The following COBL variants were observed in gnomAD, a reference collection of about 807,000 sequenced individuals.
The protein encoded by COBL is protein cordon-bleu.
A neutral mutation model predicts 98.8 loss-of-function variants in COBL; 51 were observed. The ratio of observed to expected loss-of-function variants is 0.52; its 90% CI spans 0.41 to 0.65. COBL has a LOEUF of 0.65. Ranked by LOEUF, COBL falls within the 30% of genes least tolerant of loss-of-function variation. The pLI is 0.00. For synonymous variants in COBL, 634 were observed against 651.7 expected, an observed-to-expected ratio of 0.97 and a Z score of 0.41; for missense variants, 1,617 against 1,617.5, an observed-to-expected ratio of 1.00 and a Z score of 0.01.
rs565044001 is a variant in COBL at position 51,047,233 on chromosome 7, T to C, written c.1097-3541A>G. Among the ~76,000 whole-genome samples the C allele has an allele frequency of 5.9e-5, 9 of 152,374 alleles. No individual in the cohort carries two copies. The South Asian group carries it at 1.9e-3, about 32-fold the overall frequency. On this transcript the variant is annotated intron_variant, in intron 7 of 12. Transcript: ENST00000265136. ...TACTTTGTCTTTCGCAGAAGCCTAATATAAATTCATGATTTAATTCTCTTC... is the reference window on the plus strand; with the variant it reads ...TACTTTGTCTTTCGCAGAAGCCTAACATAAATTCATGATTTAATTCTCTTC...
At chr7:51,120,466 AT>A (rs1478854823) in intron 6 of COBL, among the ~76,000 whole-genome samples, 1 of 152,206 alleles carries the variant, frequency 6.6e-6, no homozygotes, top group East Asian at 1.9e-4. Context: ...AATTTTTTAA[AT>A]TTTATCATTA....
Position 51,026,591 on chromosome 7 carries a change from C to T in COBL, c.3459G>A (p.Leu1153=), listed in dbSNP as rs771448810. ...CGCTGTGCCCGCGGATAGCTGCCAGCAGTGCAGATCGTTCGCCCTCTGCCT... is the reference window on the plus strand; with the variant it reads ...CGCTGTGCCCGCGGATAGCTGCCAGTAGTGCAGATCGTTCGCCCTCTGCCT... ...YTEAEGERSA[L]LAAIRGHSGT... The change falls in exon 11 of 13, where the codon CTG becomes CTA. Residue 1153 remains leucine (L), a synonymous_variant. Transcript: ENST00000265136. The T allele has an allele frequency of 1.9e-6, 3 of 1,614,072 alleles. No homozygotes were observed. In the Admixed American group the frequency reaches 5.0e-5, roughly 27 times the overall value.
chr7:51,037,159 A>T (rs1428269762), intron 8 of COBL, among the ~76,000 whole-genome samples: 1 of 152,236 alleles, frequency 6.6e-6, no homozygotes, highest in African/African-American at 2.4e-5. Context: ...TGTTATAAAT[A>T]AAGAGGAAGA....
At chr7:51,263,986 G>A (rs1355268506) in intron 1 of COBL, among the ~76,000 whole-genome samples, 1 of 152,162 alleles carries the variant, frequency 6.6e-6, no homozygotes, top group African/African-American at 2.4e-5. Context: ...AGCTCACAAG[G>A]GAGGTGCTGT....
At chr7:51,176,744 G>A (rs769877448) in intron 5 of COBL, among the ~76,000 whole-genome samples, 1 of 152,158 alleles carries the variant, frequency 6.6e-6, no homozygotes, top group Non-Finnish European at 1.5e-5. Context: ...TTTTGAACTA[G>A]TGAATTTCAC....
chr7:51,204,982 A>G (rs1370266613), intron 2 of COBL, among the ~76,000 whole-genome samples: 1 of 152,242 alleles, frequency 6.6e-6, no homozygotes, highest in African/African-American at 2.4e-5. Flanking sequence ...TACACTGAAC[A>G]TTATAATACA....
chr7:51,202,855 A>C (rs1304891883), intron 2 of COBL, among the ~76,000 whole-genome samples: 1 of 152,194 alleles, frequency 6.6e-6, no homozygotes, highest in African/African-American at 2.4e-5. Flanking sequence ...AGCCTGGCCA[A>C]CATAGTAAAA....
intron 1 of COBL, among the ~76,000 whole-genome samples, chr7:51,307,013 G>A (rs976410139): frequency 4.6e-5 from 7 of 152,166 alleles, no homozygotes; most frequent in Non-Finnish European, 5.9e-5. Context: ...GGACACTGAC[G>A]AGAGACGTCA....
At chr7:51,077,465 C>T (rs914009677) in intron 7 of COBL, among the ~76,000 whole-genome samples, 8 of 152,204 alleles carry the variant, frequency 5.3e-5, no homozygotes, top group African/African-American at 1.9e-4. Context: ...GATCAGGCAA[C>T]AGAAATCTCA....
intron 1 of COBL, among the ~76,000 whole-genome samples, chr7:51,293,439 A>C (rs1801098644): frequency 6.6e-6 from 1 of 152,242 alleles, no homozygotes. Context: ...CAATAGAGAC[A>C]CCATGAAATC....
chr7:51,074,981 C>G (rs1248789906), intron 7 of COBL, among the ~76,000 whole-genome samples: 1 of 152,162 alleles, frequency 6.6e-6, no homozygotes, highest in Non-Finnish European at 1.5e-5. Context: ...GATTCTTTAA[C>G]CTGTAGCCAG....
intron 1 of COBL, among the ~76,000 whole-genome samples, chr7:51,278,379 C>CTT (rs10649607): frequency 0.52 from 61,765 of 119,458 alleles, 17,276 homozygotes; most frequent in African/African-American, 0.6. Flanking sequence ...TAGACAGGAT[C>CTT]TTTTTTTTTT....
chr7:51,239,798 G>A (rs1795605664), intron 1 of COBL, among the ~76,000 whole-genome samples: 1 of 152,162 alleles, frequency 6.6e-6, no homozygotes, highest in African/African-American at 2.4e-5. Context: ...TTTTGCCATG[G>A]AAATGAGCAA....
intron 7 of COBL, among the ~76,000 whole-genome samples, chr7:51,051,053 T>C (rs1312807817): frequency 6.6e-6 from 1 of 152,182 alleles, no homozygotes; most frequent in Non-Finnish European, 1.5e-5. Context: ...TACACTTGAG[T>C]ATAATCTAAC....
intron 6 of COBL, among the ~76,000 whole-genome samples, chr7:51,096,215 A>G (rs1339572576): frequency 6.6e-6 from 1 of 152,206 alleles, no homozygotes; most frequent in Non-Finnish European, 1.5e-5. Context: ...TAGTAAAACG[A>G]AAAGTGAAAA....
At chr7:51,313,994 A>G (rs1438283959) in intron 1 of COBL, among the ~76,000 whole-genome samples, 2 of 152,272 alleles carry the variant, frequency 1.3e-5, no homozygotes, top group Non-Finnish European at 2.9e-5. Flanking sequence ...GAAGTCATAC[A>G]TCACTGTTTT....
At chr7:51,154,091 A>G (rs1335447863) in intron 5 of COBL, among the ~76,000 whole-genome samples, 1 of 152,184 alleles carries the variant, frequency 6.6e-6, no homozygotes, top group East Asian at 1.9e-4. Flanking sequence ...GTACCCTGAG[A>G]GTCACCAACA....
At chr7:51,082,325 T>G (rs1449470373) in intron 7 of COBL, among the ~76,000 whole-genome samples, 1 of 152,118 alleles carries the variant, frequency 6.6e-6, no homozygotes, top group Non-Finnish European at 1.5e-5. Context: ...TGAGACATAC[T>G]GAAGCGGTCC....
chr7:51,124,816 C>T (rs920004030), intron 6 of COBL, among the ~76,000 whole-genome samples: 35 of 151,890 alleles, frequency 2.3e-4, no homozygotes, highest in African/African-American at 8.5e-4. Flanking sequence ...TTCTTTCTTT[C>T]TTTCTTTATT....
Sources: allele counts gnomAD v4.1 joint callset (sites outside exome capture counted in the v4.1 genomes callset), GRCh38; gene constraint gnomAD v4.1.1; transcripts MANE v1.5; gene names NCBI Gene and HGNC (gene_info 2026-07-23, HGNC 2026-07-21).